SH3PXD2B: variants seen among roughly 807,000 people sequenced by gnomAD.
The protein encoded by SH3PXD2B is SH3 and PX domains 2B, also known as SH3 and PX domain-containing protein 2B.
SH3PXD2B carries 37 observed loss-of-function variants against 73.1 expected under a neutral mutation model. The ratio of observed to expected loss-of-function variants is 0.51; its 90% CI spans 0.39 to 0.67. SH3PXD2B has a LOEUF of 0.67. Among genes scored for constraint, SH3PXD2B ranks in the 30% least tolerant of loss-of-function variants. SH3PXD2B has a pLI of 0.00. For synonymous variants in SH3PXD2B, 457 were observed against 480.5 expected (o/e 0.95, Z 0.64); for missense variants, 1,053 against 1,197.8 (o/e 0.88, Z 1.78).
chr5:172,394,779 C>T, intron 3 of SH3PXD2B, 140 bp from the exon 4 acceptor site: 1 of 809,146 alleles, frequency 1.2e-6, no homozygotes, highest in Non-Finnish European at 2.1e-6. Flanking sequence ...GGTACCCCCA[C>T]TGGACTTCCG....
chr5:172,409,046 T>C (rs1758629361), intron 2 of SH3PXD2B, among the ~76,000 whole-genome samples: 2 of 152,138 alleles, frequency 1.3e-5, no homozygotes. Flanking sequence ...TGAAACTATA[T>C]AATACGCTAT....
chr5:172,340,844 C>T (rs887241584), intron 12 of SH3PXD2B, among the ~76,000 whole-genome samples: 4 of 152,194 alleles, frequency 2.6e-5, no homozygotes, highest in Non-Finnish European at 5.9e-5. Flanking sequence ...ATCTGCCTGC[C>T]TCGGCCTCCC....
intron 1 of SH3PXD2B, among the ~76,000 whole-genome samples, chr5:172,429,241 A>G (rs1759173352): frequency 6.6e-6 from 1 of 152,166 alleles, no homozygotes; most frequent in African/African-American, 2.4e-5. Context: ...GACCCTGGCC[A>G]TGTTGCTGAG....
chr5:172,447,424 C>T, intron 1 of SH3PXD2B, among the ~76,000 whole-genome samples: 1 of 152,324 alleles, frequency 6.6e-6, no homozygotes, highest in East Asian at 1.9e-4. Context: ...TGCATCTCTA[C>T]TGATGCACTT....
At chr5:172,413,702 A>G (rs1758754295) in intron 2 of SH3PXD2B, among the ~76,000 whole-genome samples, 1 of 152,226 alleles carries the variant, frequency 6.6e-6, no homozygotes, top group African/African-American at 2.4e-5. Context: ...TCTATTTTAG[A>G]AATAAAGAAT....
intron 3 of SH3PXD2B, among the ~76,000 whole-genome samples, chr5:172,396,992 A>G (rs2113405411): frequency 6.6e-6 from 1 of 152,354 alleles, no homozygotes; most frequent in Non-Finnish European, 1.5e-5. Flanking sequence ...AAGTATCACA[A>G]GGGAGATAAC....
At chr5:172,440,984 C>T (rs1308486127) in intron 1 of SH3PXD2B, among the ~76,000 whole-genome samples, 2 of 152,132 alleles carry the variant, frequency 1.3e-5, no homozygotes, top group Admixed American at 1.3e-4. Flanking sequence ...CTTATAACCC[C>T]CTTCCACGTA....
Position 172,422,640 on chromosome 5 carries a change from T to G in SH3PXD2B, c.76-144A>C. ...CCAATGACTGGCTGGACAAGTTGCT[T>G]GCTGTAAGACTCATCTCCCTCCTCA... On this transcript the variant is annotated intron_variant, in intron 1 of 12. Transcript: ENST00000311601. 4 of 755,636 alleles carry G rather than the reference T, an allele frequency of 5.3e-6. No homozygotes were observed. The East Asian group carries it at 1.1e-4, about 20-fold the overall frequency. 46.8% of individuals were successfully genotyped at this position (755,636 alleles called of 1,614,324 possible). A position where few individuals can be genotyped will look rare whatever the true frequency, so the allele number is the denominator to read the frequency against.
At chr5:172,425,885 G>T (rs1170484516) in intron 1 of SH3PXD2B, among the ~76,000 whole-genome samples, 1 of 152,118 alleles carries the variant, frequency 6.6e-6, no homozygotes, top group Non-Finnish European at 1.5e-5. Context: ...CTCATTGAAG[G>T]GCTGCACCTG....
At chr5:172,439,023 G>A (rs555256500) in intron 1 of SH3PXD2B, among the ~76,000 whole-genome samples, 5 of 151,600 alleles carry the variant, frequency 3.3e-5, no homozygotes, top group Non-Finnish European at 7.4e-5. Context: ...CAGATCACCT[G>A]AGGTCGGGAG....
intron 2 of SH3PXD2B, among the ~76,000 whole-genome samples, chr5:172,414,631 G>A (rs1005676900): frequency 5.3e-5 from 8 of 152,116 alleles, no homozygotes; most frequent in East Asian, 1.9e-4. Flanking sequence ...TGCTCGAGCC[G>A]TAAGCCCCTG....
rs1179196252 is a variant in SH3PXD2B, at chr5:172,441,856, C to T, written c.75+12422G>A. ...TCATAGGGGAGGAGAAGGGATTCCT[C>T]CATGAAATCACATGTGGTTTCTGAA... On this transcript the variant is annotated intron_variant, in intron 1 of 12. Transcript: ENST00000311601. 1.2e-4 allele frequency among the ~76,000 whole-genome samples: 19 copies of T among 152,148 alleles called. No individual in the cohort carries two copies. The South Asian group carries it at 3.3e-3, about 27-fold the overall frequency.
intron 6 of SH3PXD2B, among the ~76,000 whole-genome samples, chr5:172,365,931 G>A (rs554319279): frequency 5.9e-5 from 9 of 152,296 alleles, no homozygotes; most frequent in African/African-American, 1.9e-4. Context: ...AAAACCCCAG[G>A]ATTGCAGTTT....
chr5:172,453,667 CTT>C (rs1220906045), intron 1 of SH3PXD2B, among the ~76,000 whole-genome samples: 2 of 152,228 alleles, frequency 1.3e-5, no homozygotes, highest in East Asian at 3.8e-4. Flanking sequence ...CAGGAGAAAA[CTT>C]TCGTACATTT....
chr5:172,363,602 C>A (rs748489654), intron 6 of SH3PXD2B, among the ~76,000 whole-genome samples: 8 of 152,062 alleles, frequency 5.3e-5, no homozygotes, highest in African/African-American at 1.9e-4. Context: ...GGTGACATAA[C>A]GCAGGGACCC....
At chr5:172,408,169 C>A (rs1231436882) in intron 2 of SH3PXD2B, among the ~76,000 whole-genome samples, 1 of 151,790 alleles carries the variant, frequency 6.6e-6, no homozygotes, top group Non-Finnish European at 1.5e-5. Flanking sequence ...TTCCTTCTCT[C>A]TTTTTTCCCT....
chr5:172,376,537 G>T (rs1228254213), intron 5 of SH3PXD2B, among the ~76,000 whole-genome samples: 2 of 152,216 alleles, frequency 1.3e-5, no homozygotes, highest in African/African-American at 4.8e-5. Flanking sequence ...AGAGCAACCT[G>T]GGAGAGAGCA....
intron 1 of SH3PXD2B, among the ~76,000 whole-genome samples, chr5:172,429,660 C>T (rs193162425): frequency 6.6e-6 from 1 of 152,066 alleles, no homozygotes; most frequent in South Asian, 2.1e-4. Context: ...GAGCCAGGAT[C>T]CTTTTGCAGG....
intron 12 of SH3PXD2B, among the ~76,000 whole-genome samples, chr5:172,343,397 CTT>C (rs1268217633): frequency 6.6e-6 from 1 of 152,246 alleles, no homozygotes; most frequent in Non-Finnish European, 1.5e-5. Context: ...AGCTTACACT[CTT>C]TGCAAAGTAT....
Sources: allele counts gnomAD v4.1 joint callset (sites outside exome capture counted in the v4.1 genomes callset), GRCh38; gene constraint gnomAD v4.1.1; transcripts MANE v1.5; gene names NCBI Gene and HGNC (gene_info 2026-07-23, HGNC 2026-07-21).